The following ZNF250 variants were observed in gnomAD, a reference collection of about 807,000 sequenced individuals.
The protein encoded by ZNF250 is zinc finger protein (clone 647).
In ZNF250, 13 loss-of-function variants were observed where a neutral mutation model predicts 37.1. The ratio of observed to expected loss-of-function variants is 0.35; its 90% CI spans 0.23 to 0.56. ZNF250 has a LOEUF of 0.56. ZNF250 is among the 20% of genes least tolerant of loss of function. The pLI is 0.87. For synonymous variants in ZNF250, 251 were observed against 265.6 expected (o/e 0.94, Z 0.54); for missense variants, 474 against 697.9 (o/e 0.68, Z 3.61).
In ZNF250 at chr8:144,881,324, T is replaced by C. The variant is rs1831449998; in HGVS notation, c.*191A>G. On this transcript the variant is annotated 3_prime_UTR_variant, in exon 6 of 6. Transcript: ENST00000417550. ...CATAACTTCAAGATGTTGAGGAAAATAAAACAGGTAGTCTCTGAAGTTTTT... is the reference window on the plus strand; with the variant it reads ...CATAACTTCAAGATGTTGAGGAAAACAAAACAGGTAGTCTCTGAAGTTTTT... 1.4e-6 allele frequency: 1 copy of C among 717,534 alleles called. No individual in the cohort carries two copies. Among genetic ancestry groups the C allele is most frequent in the East Asian group, 3.0e-5 (1 of 33,770 alleles). 44.4% of individuals were successfully genotyped at this position (717,534 alleles called of 1,614,324 possible).
Position 144,890,267 on chromosome 8 carries a change from C to A in ZNF250, c.42+41G>T. On this transcript the variant is annotated intron_variant, in intron 2 of 5. Transcript: ENST00000417550. The surrounding 1 kb of genome is among the most constrained non-coding windows in gnomAD (Gnocchi z 5.1). ...ACGGGGCACGGAAGGAACCACAGGG[C>A]TCGGGCTGGGGGCACTGCATAAGCA... is the stretch of plus-strand genomic sequence containing the variant. The A allele has an allele frequency of 6.5e-7, 1 of 1,549,576 alleles. No homozygotes were observed. Among genetic ancestry groups the A allele is most frequent in the South Asian group, 1.2e-5 (1 of 82,890 alleles).
At chr8:144,895,784 C>T (rs542949692) in intron 1 of ZNF250, among the ~76,000 whole-genome samples, 2 of 149,878 alleles carry the variant, frequency 1.3e-5, no homozygotes, top group South Asian at 4.2e-4. Flanking sequence ...CCGAGGCGGG[C>T]GGATCAAAAG....
Position 144,890,125 on chromosome 8 carries a change from T to A in ZNF250, c.43-66A>T, listed in dbSNP as rs564889894. 1.1e-5 allele frequency: 17 copies of A among 1,576,936 alleles called. No individual in the cohort carries two copies. The highest frequency in any genetic ancestry group is 1.9e-5 in the Admixed American group (1 of 53,418). ...ATGTCTGTGATGGGGAGTGGGTGCA[T>A]GTGACATGTGACATGAGCAGTTGGC... On this transcript the variant is annotated intron_variant, in intron 2 of 5. Coordinates refer to ENST00000417550, the MANE Select transcript of ZNF250 (RefSeq NM_001109689.4). This position sits in a 1 kb window ranked among gnomAD's most constrained non-coding sequence, Gnocchi z 5.1.
Position 144,882,220 on chromosome 8 carries a change from C to A in ZNF250, c.963G>T (p.Leu321=), listed in dbSNP as rs1363942862. The A allele has an allele frequency of 6.2e-7, 1 of 1,614,042 alleles. No individual in the cohort carries two copies. Among genetic ancestry groups the A allele is most frequent in the Non-Finnish European group, 8.5e-7 (1 of 1,179,972 alleles). The change falls in exon 6 of 6, where the codon CTG becomes CTT. Residue 321 remains leucine, a synonymous_variant. Coordinates refer to ENST00000417550, the MANE Select transcript of ZNF250 (RefSeq NM_001109689.4). The surrounding 1 kb of genome is among the most constrained non-coding windows in gnomAD (Gnocchi z 5.5). The part of the protein sequence containing the change: ...CGKAFNHSTV[L]RSHQRVHTGE... ...CAGTGTGTACCCTCTGGTGGCTCCG[C>A]AGAACAGTGCTATGGTTGAAGGCTT... is the stretch of plus-strand genomic sequence containing the variant.
At chr8:144,895,486 C>T (rs1410312040) in intron 1 of ZNF250, among the ~76,000 whole-genome samples, 1 of 152,044 alleles carries the variant, frequency 6.6e-6, no homozygotes, top group African/African-American at 2.4e-5. Context: ...GAGAGGAGAG[C>T]GCTAAGAACA....
At chr8:144,895,253 T>A (rs1832633767) in intron 1 of ZNF250, 1 of 152,126 alleles carries the variant, frequency 6.6e-6, no homozygotes. Context: ...GAAAGATGTA[T>A]GTTGTGTCAG....
rs1832829843 is a variant in ZNF250 at position 144,897,962 on chromosome 8, C to T, written c.-55+3437G>A. 6.6e-6 allele frequency among the ~76,000 whole-genome samples: 1 copy of T among 152,222 alleles called. No individual in the cohort carries two copies. The highest frequency in any genetic ancestry group is 1.5e-5 in the Non-Finnish European group (1 of 68,042). On this transcript the variant is annotated intron_variant, in intron 1 of 5. Transcript: ENST00000417550. The surrounding 1 kb of genome is among the most constrained non-coding windows in gnomAD (Gnocchi z 5.2). ...GCCCTCATTCCGGTAAACCCACAAC[C>T]ACAACCTTCCAGCGTGGGCATTATG...
In ZNF250 at chr8:144,877,514, C is replaced by T. The variant is rs78716787; in HGVS notation, c.*4001G>A. 5.1e-4 allele frequency: 78 copies of T among 152,326 alleles called. 1 individual carries two copies. The East Asian group carries it at 0.014, about 28-fold the overall frequency. 9.4% of individuals were successfully genotyped at this position (152,326 alleles called of 1,614,324 possible). A position where few individuals can be genotyped will look rare whatever the true frequency, so the allele number is the denominator to read the frequency against. ...TCAGCATGAAAATTCAGGGCCCTGG[C>T]CTTTGATGTTATATCCCAAAAAGGT... On this transcript the variant is annotated 3_prime_UTR_variant, in exon 6 of 6. Coordinates refer to ENST00000417550, the MANE Select transcript of ZNF250 (RefSeq NM_001109689.4).
In ZNF250 at chr8:144,882,919, T is replaced by C. The variant is rs1831601977; in HGVS notation, c.347-83A>G. 1 of 1,506,192 alleles carries C rather than the reference T, an allele frequency of 6.6e-7. No homozygotes were observed. Among genetic ancestry groups the C allele is most frequent in the Non-Finnish European group, 8.9e-7 (1 of 1,120,104 alleles). The allele number at this position is 1,506,192 out of a possible 1,614,324, so 93.3% of individuals were successfully genotyped here. The stretch of plus-strand genomic sequence containing the variant: ...GCAACCCTGAAACTGGCCTTGCTGA[T>C]GAAGGTGCAAAATCCCTCAATGCAC... On this transcript the variant is annotated intron_variant, in intron 5 of 5. Transcript: ENST00000417550. The surrounding 1 kb of genome is among the most constrained non-coding windows in gnomAD (Gnocchi z 5.5).
chr8:144,902,013 C>T (rs1018228048), upstream of ZNF250: 2 of 152,344 alleles, frequency 1.3e-5, no homozygotes, highest in African/African-American at 4.8e-5. Context: ...ACACTGAAGT[C>T]CTCTTGTTTG....
upstream of ZNF250, chr8:144,901,994 T>G (rs1448718591): frequency 6.6e-6 from 1 of 152,390 alleles, no homozygotes; most frequent in Non-Finnish European, 1.5e-5. This position sits in a 1 kb window ranked among gnomAD's most constrained non-coding sequence, Gnocchi z 5.4. Context: ...TTTCTCTTCC[T>G]TCGTTGCAAC....
In ZNF250 at chr8:144,890,716, G is replaced by GCTCTGTGTGTTCT. The variant is rs1832273365; in HGVS notation, c.-54-314_-54-313insAGAACACACAGAG. On this transcript the variant is annotated intron_variant, in intron 1 of 5. Coordinates refer to ENST00000417550, the MANE Select transcript of ZNF250 (RefSeq NM_001109689.4). The surrounding 1 kb of genome is among the most constrained non-coding windows in gnomAD (Gnocchi z 5.1). ...GGCCCATGGTCCTGCCATACACAAGGATACCAGCTCACCAAGGCTCTGTGT... is the reference window on the plus strand; with the variant it reads ...GGCCCATGGTCCTGCCATACACAAGGCTCTGTGTGTTCTATACCAGCTCACCAAGGCTCTGTGT... 6.6e-6 allele frequency among the ~76,000 whole-genome samples: 1 copy of GCTCTGTGTGTTCT among 152,126 alleles called. No homozygotes were observed. The highest frequency in any genetic ancestry group is 1.5e-5 in the Non-Finnish European group (1 of 68,020).
At position 144,881,476 on chromosome 8, in the gene ZNF250, G is replaced by A. The variant is rs767516427; in HGVS notation, c.*39C>T. 2.5e-5 allele frequency: 39 copies of A among 1,539,920 alleles called. No homozygotes were observed. The highest frequency in any genetic ancestry group is 3.2e-5 in the Non-Finnish European group (37 of 1,141,494). On this transcript the variant is annotated 3_prime_UTR_variant, in exon 6 of 6. Transcript: ENST00000417550. ...CTGAAGGCTGCTTGTGGTTCCACAT[G>A]CAGTTTCTGTGAGAATGGATTCTTG...
In ZNF250 at chr8:144,880,593, G is replaced by T; in HGVS notation, c.*922C>A. 1 of 434,358 alleles carries T rather than the reference G, an allele frequency of 2.3e-6. No homozygotes were observed. The highest frequency in any genetic ancestry group is 1.6e-5 in the South Asian group (1 of 62,298). The allele number at this position is 434,358 out of a possible 1,614,324, so 26.9% of individuals were successfully genotyped here. ...TAAAGGGTTTTCTAGGCCAGGCATGGTGCCTCACGCCTGTAATCCCAACAC... is the reference window on the plus strand; with the variant it reads ...TAAAGGGTTTTCTAGGCCAGGCATGTTGCCTCACGCCTGTAATCCCAACAC... On this transcript the variant is annotated 3_prime_UTR_variant, in exon 6 of 6. Transcript: ENST00000417550.
chr8:144,889,545 C>A (rs1230883598), intron 4 of ZNF250, 36 bp downstream of exon 4: 2 of 1,553,940 alleles, frequency 1.3e-6, no homozygotes, highest in Non-Finnish European at 1.8e-6. Context: ...ACCTGTTTAG[C>A]CCTCAGTGAG....
At position 144,887,588 on chromosome 8, in the gene ZNF250, G is replaced by A. The variant is rs550552649; in HGVS notation, c.284-686C>T. Among the ~76,000 whole-genome samples, 8 of 152,278 alleles carry A rather than the reference G, an allele frequency of 5.3e-5. No individual in the cohort carries two copies. In the East Asian group the frequency reaches 1.5e-3, roughly 29 times the overall value. On this transcript the variant is annotated intron_variant, in intron 4 of 5. Coordinates refer to ENST00000417550, the MANE Select transcript of ZNF250 (RefSeq NM_001109689.4). ...TCATCTCCAACCAGCCATGCTCCCA[G>A]AGAATTTCACAGTCTCTGTGGTGTC...
In ZNF250 at chr8:144,878,671, T is replaced by C. The variant is rs1831267026; in HGVS notation, c.*2844A>G. Reference sequence around the variant, plus strand: ...TCATCTTTCCGATGGTACAATATAGTGATTTCACTTCCTTTATGAAATAGC... The same window carrying C: ...TCATCTTTCCGATGGTACAATATAGCGATTTCACTTCCTTTATGAAATAGC... On this transcript the variant is annotated 3_prime_UTR_variant, in exon 6 of 6. Coordinates refer to ENST00000417550, the MANE Select transcript of ZNF250 (RefSeq NM_001109689.4). The C allele has an allele frequency of 6.6e-6, 1 of 152,196 alleles. No individual in the cohort carries two copies. The highest frequency in any genetic ancestry group is 1.5e-5 in the Non-Finnish European group (1 of 68,026). The allele number at this position is 152,196 out of a possible 1,614,324, so 9.4% of individuals were successfully genotyped here.
chr8:144,890,486 C>A lies in ZNF250; in HGVS notation c.-54-83G>T. ...GGGCCCTCAGGGGATCCCTGGGCCTCATTCAGAGTCACTGAGGGGCACACT... is the reference window on the plus strand; with the variant it reads ...GGGCCCTCAGGGGATCCCTGGGCCTAATTCAGAGTCACTGAGGGGCACACT... On this transcript the variant is annotated intron_variant, in intron 1 of 5. Transcript: ENST00000417550. The surrounding 1 kb of genome is among the most constrained non-coding windows in gnomAD (Gnocchi z 5.1). 1.3e-6 allele frequency: 1 copy of A among 786,258 alleles called. No homozygotes were observed. The highest frequency in any genetic ancestry group is 1.9e-6 in the Non-Finnish European group (1 of 535,046). 48.7% of individuals were successfully genotyped at this position (786,258 alleles called of 1,614,324 possible).
At chr8:144,893,474 A>G (rs117771875) in intron 1 of ZNF250, among the ~76,000 whole-genome samples, 4,015 of 152,084 alleles carry the variant, frequency 0.026, 225 homozygotes, top group East Asian at 0.22. Context: ...GGGACTACAG[A>G]CACCTGCCTC....
Sources: allele counts gnomAD v4.1 joint callset (sites outside exome capture counted in the v4.1 genomes callset), GRCh38; gene constraint gnomAD v4.1.1; non-coding constraint Gnocchi (gnomAD v3.1); transcripts MANE v1.5; gene names NCBI Gene and HGNC (gene_info 2026-07-23, HGNC 2026-07-21).